Variants in CACNA2D4 observed in about 807,000 individuals in gnomAD.
The protein encoded by CACNA2D4 is voltage-dependent calcium channel subunit alpha-2/delta-4.
CACNA2D4 carries 157 observed loss-of-function variants against 163.8 expected under a neutral mutation model. The observed-to-expected ratio is 0.96, with a 90% CI of 0.84 to 1.09. The LOEUF (loss-of-function observed/expected upper bound fraction) is 1.09. Among genes scored for constraint, CACNA2D4 ranks in the 50% least tolerant of loss-of-function variants. CACNA2D4 has a pLI of 0.00. For synonymous variants in CACNA2D4, 598 were observed against 586.9 expected (o/e 1.02, Z -0.27); for missense variants, 1,410 against 1,479.9 (o/e 0.95, Z 0.78).
At chr12:1,914,791 G>A (rs1029304971) in intron 2 of CACNA2D4, 63 bp downstream of exon 2, 1 of 1,115,974 alleles carries the variant, frequency 9.0e-7, no homozygotes, top group African/African-American at 1.5e-5. Context: ...ACCGGCATTT[G>A]GGGGCTTCGA....
intron 6 of CACNA2D4, among the ~76,000 whole-genome samples, chr12:1,899,519 T>C (rs895838871): frequency 5.3e-5 from 8 of 152,124 alleles, no homozygotes; most frequent in African/African-American, 1.9e-4. Context: ...AATAGATTCA[T>C]ACAAATAAAT....
At chr12:1,851,066 A>G (rs1592710466) in intron 23 of CACNA2D4, among the ~76,000 whole-genome samples, 2 of 151,824 alleles carry the variant, frequency 1.3e-5, no homozygotes, top group East Asian at 3.9e-4. Flanking sequence ...TTTTTATTTT[A>G]GAGACGGGGT....
At chr12:1,795,539 A>T in intron 36 of CACNA2D4, 129 bp downstream of exon 36, 1 of 915,670 alleles carries the variant, frequency 1.1e-6, no homozygotes, top group Non-Finnish European at 1.7e-6. Context: ...GTTAGAGAAC[A>T]AATAACGGAG....
At chr12:1,891,030 C>A (rs1866269123) in intron 6 of CACNA2D4, among the ~76,000 whole-genome samples, 8 of 152,198 alleles carry the variant, frequency 5.3e-5, no homozygotes, top group African/African-American at 1.9e-4. Context: ...ATCACCTTTG[C>A]CACACCCACT....
intron 18 of CACNA2D4, among the ~76,000 whole-genome samples, chr12:1,871,993 C>T (rs949133677): frequency 2.0e-5 from 3 of 152,224 alleles, no homozygotes; most frequent in Non-Finnish European, 4.4e-5. Context: ...GGGTGTCTGG[C>T]CAGCATGCTG....
rs1045515951 is a variant in CACNA2D4 at position 1,799,397 on chromosome 12, C to T, written c.2995+278G>A. On this transcript the variant is annotated intron_variant, in intron 34 of 37. Coordinates refer to ENST00000382722, the MANE Select transcript of CACNA2D4 (RefSeq NM_172364.5). This position sits in a 1 kb window ranked among gnomAD's most constrained non-coding sequence, Gnocchi z 4.7. ...TCACTCATACTGGCTCATGGCCACCCGGCCACACCACCGGCTTCCTCTTGG... is the reference window on the plus strand; with the variant it reads ...TCACTCATACTGGCTCATGGCCACCTGGCCACACCACCGGCTTCCTCTTGG... Among the ~76,000 whole-genome samples, 3 of 152,136 alleles carry T rather than the reference C, an allele frequency of 2.0e-5. No homozygotes were observed. The highest frequency in any genetic ancestry group is 2.9e-5 in the Non-Finnish European group (2 of 68,008).
intron 2 of CACNA2D4, 151 bp downstream of exon 2, chr12:1,914,703 A>G (rs879364631): frequency 1.6e-6 from 1 of 623,522 alleles, no homozygotes; most frequent in Non-Finnish European, 2.9e-6. Flanking sequence ...GAGTTGAGAA[A>G]ATCATTCACC....
chr12:1,867,580 G>A lies in CACNA2D4; in HGVS notation c.1878+7024C>T, dbSNP rs547900713. ...AGAAACAACAGCTAAAATAAAAAGT[G>A]ACTAATACCTTCTGCATAGCAAACA... On this transcript the variant is annotated intron_variant, in intron 18 of 37. Transcript: ENST00000382722. Among the ~76,000 whole-genome samples, 5 of 152,224 alleles carry A rather than the reference G, an allele frequency of 3.3e-5. No individual in the cohort carries two copies. The South Asian group carries it at 1.0e-3, about 32-fold the overall frequency.
chr12:1,912,716 A>T (rs1464127005), intron 3 of CACNA2D4, among the ~76,000 whole-genome samples: 1 of 152,152 alleles, frequency 6.6e-6, no homozygotes, highest in African/African-American at 2.4e-5. Flanking sequence ...GTCACTGGGT[A>T]TGGCCTGGTG....
chr12:1,840,338 G>C (rs1007407188), intron 26 of CACNA2D4, among the ~76,000 whole-genome samples: 17 of 151,850 alleles, frequency 1.1e-4, no homozygotes, highest in African/African-American at 4.1e-4. Flanking sequence ...CTATTAACCC[G>C]CCAGCCTTCC....
At chr12:1,851,609 T>C (rs2154448174) in intron 23 of CACNA2D4, among the ~76,000 whole-genome samples, 1 of 151,006 alleles carries the variant, frequency 6.6e-6, no homozygotes, top group East Asian at 1.9e-4. Context: ...TTTAATATCT[T>C]GGTAGGCCCA....
chr12:1,853,527 C>T (rs1033905619), intron 23 of CACNA2D4, among the ~76,000 whole-genome samples: 6 of 152,166 alleles, frequency 3.9e-5, no homozygotes, highest in Admixed American at 3.9e-4. Flanking sequence ...TGGGCACACA[C>T]ATGCCCTACA....
rs1273131106 is a variant in CACNA2D4 at position 1,798,906 on chromosome 12, C to A, written c.2995+769G>T. Among the ~76,000 whole-genome samples, 4 of 152,172 alleles carry A rather than the reference C, an allele frequency of 2.6e-5. No homozygotes were observed. The highest frequency in any genetic ancestry group is 2.1e-4 in the South Asian group (1 of 4,836). The stretch of plus-strand genomic sequence containing the variant: ...AAGGAGTCTGGAGACACAGCCCGAA[C>A]TGCCCTGAGCCCAGGGGCAGAGGAA... On this transcript the variant is annotated intron_variant, in intron 34 of 37. Transcript: ENST00000382722. This position sits in a 1 kb window ranked among gnomAD's most constrained non-coding sequence, Gnocchi z 4.3.
Position 1,801,132 on chromosome 12 carries a change from G to T in CACNA2D4, c.2793-14C>A, listed in dbSNP as rs1441249164. On this transcript the variant is annotated splice_polypyrimidine_tract_variant and intron_variant, in intron 30 of 37. Coordinates refer to ENST00000382722, the MANE Select transcript of CACNA2D4 (RefSeq NM_172364.5). ...TACATAGTCACTCTGAAAATCAGAA[G>T]CGGGCTGTGATGAGTCCAAAGCCAC... 1.2e-6 allele frequency: 2 copies of T among 1,613,302 alleles called. No individual in the cohort carries two copies. Among genetic ancestry groups the T allele is most frequent in the Non-Finnish European group, 1.7e-6 (2 of 1,179,398 alleles).
Position 1,860,186 on chromosome 12 carries a change from G to T in CACNA2D4, c.1899C>A (p.Thr633=). ...TGATGTCCGTGAAGAAGTAGTCATT[G>T]GTCAGGAAAAGAACTCGCTTCTGAA... ...MDKGKRVLFL[T]NDYFFTDISD... is the part of the protein sequence containing the mutation. Residue 633 remains threonine (T), a synonymous_variant, in exon 19 of 38, where the codon ACC becomes ACA. Coordinates refer to ENST00000382722, the MANE Select transcript of CACNA2D4 (RefSeq NM_172364.5). 6.2e-7 allele frequency: 1 copy of T among 1,613,700 alleles called. No individual in the cohort carries two copies. Among genetic ancestry groups the T allele is most frequent in the Non-Finnish European group, 8.5e-7 (1 of 1,179,720 alleles).
chr12:1,844,875 A>G lies in CACNA2D4; in HGVS notation c.2343-346T>C, dbSNP rs1565707020. Among the ~76,000 whole-genome samples, 1 of 152,204 alleles carries G rather than the reference A, an allele frequency of 6.6e-6. No individual in the cohort carries two copies. The highest frequency in any genetic ancestry group is 1.9e-4 in the East Asian group (1 of 5,188). On this transcript the variant is annotated intron_variant, in intron 24 of 37. Coordinates refer to ENST00000382722, the MANE Select transcript of CACNA2D4 (RefSeq NM_172364.5). This position sits in a 1 kb window ranked among gnomAD's most constrained non-coding sequence, Gnocchi z 4.2. ...ACGTCTGAGGGAGGAAGCTGTAGTCAGCTCTATCACTGCACTAATAGGAGG... is the reference window on the plus strand; with the variant it reads ...ACGTCTGAGGGAGGAAGCTGTAGTCGGCTCTATCACTGCACTAATAGGAGG...
Position 1,792,951 on chromosome 12 carries a change from AAAG to A in CACNA2D4, c.*701_*703del, listed in dbSNP as rs1863016868. 1 of 152,198 alleles carries A rather than the reference AAAG, an allele frequency of 6.6e-6. No homozygotes were observed. The highest frequency in any genetic ancestry group is 2.4e-5 in the African/African-American group (1 of 41,444). 9.4% of individuals were successfully genotyped at this position (152,198 alleles called of 1,614,324 possible). On this transcript the variant is annotated 3_prime_UTR_variant, in exon 38 of 38. Coordinates refer to ENST00000382722, the MANE Select transcript of CACNA2D4 (RefSeq NM_172364.5). ...TGCAAACTTTCCTTTAGGGCTTTGT[AAAG>A]AAGTTTTGGGAAGTTCTTCAATAGC...
intron 22 of CACNA2D4, among the ~76,000 whole-genome samples, chr12:1,855,209 G>C (rs11062007): frequency 0.05 from 7,570 of 152,234 alleles, 277 homozygotes; most frequent in Middle Eastern, 0.095. Flanking sequence ...GCCTTGTCTG[G>C]GTTATCTCTG....
At chr12:1,903,321 T>C (rs747842070) in intron 6 of CACNA2D4, among the ~76,000 whole-genome samples, 6 of 151,986 alleles carry the variant, frequency 3.9e-5, no homozygotes, top group Non-Finnish European at 8.8e-5. Context: ...ATTTCCTGAG[T>C]AATACCCCAT....
Sources: gnomAD v4.1 joint callset for allele counts (sites outside exome capture counted in the v4.1 genomes callset) on GRCh38, gnomAD v4.1.1 for gene constraint, Gnocchi (gnomAD v3.1) non-coding constraint, MANE v1.5 for transcripts, NCBI Gene and HGNC (gene_info 2026-07-23, HGNC 2026-07-21) for gene names.